The following PPP2R3A variants were observed in gnomAD, a reference collection of about 807,000 sequenced individuals.
The protein encoded by PPP2R3A is serine/threonine-protein phosphatase 2A regulatory subunit B'' subunit alpha.
In PPP2R3A, 80 loss-of-function variants were observed where a neutral mutation model predicts 106.9. The observed-to-expected ratio is 0.75, with a 90% confidence interval of 0.62 to 0.90. The LOEUF (loss-of-function observed/expected upper bound fraction) is 0.90, where lower values mean the gene tolerates loss of function less well. Among genes scored for constraint, PPP2R3A ranks in the 40% least tolerant of loss-of-function variants. The pLI is 0.00. For missense variants in PPP2R3A, 1,386 were observed against 1,350.4 expected (o/e 1.03, Z -0.41); for synonymous variants, 483 against 468.3 (o/e 1.03, Z -0.41).
At position 136,129,218 on chromosome 3, in the gene PPP2R3A, C is replaced by CA. The variant is rs1211077797; in HGVS notation, c.3330-15823dup. On this transcript the variant is annotated intron_variant, in intron 13 of 13. Coordinates refer to ENST00000264977, the MANE Select transcript of PPP2R3A (RefSeq NM_002718.5). ...ACAAAAAAAAAAACCTTCAAAAAAT[C>CA]AATGAATCCAGGAGGTGGTTTTTTG... Among the ~76,000 whole-genome samples the CA allele has an allele frequency of 5.3e-5, 8 of 150,076 alleles. No individual in the cohort carries two copies. The East Asian group carries it at 1.6e-3, about 29-fold the overall frequency.
In PPP2R3A at chr3:136,003,208, C is replaced by T. The variant is rs761351113; in HGVS notation, c.1710C>T (p.Ser570=). Residue 570 remains serine, a synonymous_variant, in exon 2 of 14, where the codon TCC becomes TCT. Coordinates refer to ENST00000264977, the MANE Select transcript of PPP2R3A (RefSeq NM_002718.5). The part of the protein sequence containing the change: ...VSSPIEKVSP[S]CLTRIIETNG... ...CACCCATAGAAAAAGTCTCACCTTC[C>T]TGTCTAACAAGGATTATTGAAACCA... is the stretch of plus-strand genomic sequence containing the variant. The T allele has an allele frequency of 4.3e-6, 7 of 1,613,946 alleles. No homozygotes were observed. The highest frequency in any genetic ancestry group is 5.9e-6 in the Non-Finnish European group (7 of 1,179,912).
chr3:136,076,753 C>T (rs1936610033), intron 6 of PPP2R3A, among the ~76,000 whole-genome samples: 1 of 152,076 alleles, frequency 6.6e-6, no homozygotes, highest in Admixed American at 6.6e-5. Flanking sequence ...TGGAGACCAT[C>T]CTGGCTAACA....
chr3:136,006,136 T>A (rs1933836915), intron 2 of PPP2R3A, among the ~76,000 whole-genome samples: 2 of 152,324 alleles, frequency 1.3e-5, no homozygotes, highest in South Asian at 4.1e-4. Context: ...CCCACTTTTT[T>A]GACAAGTAAT....
At chr3:135,991,662 T>C (rs1170088544) in intron 1 of PPP2R3A, among the ~76,000 whole-genome samples, 1 of 152,192 alleles carries the variant, frequency 6.6e-6, no homozygotes, top group African/African-American at 2.4e-5. Context: ...ATTTTGCTTT[T>C]CTCATGTTCC....
Position 136,041,430 on chromosome 3 carries a change from A to G in PPP2R3A, c.2366+468A>G, listed in dbSNP as rs116589802. Reference sequence around the variant, plus strand: ...GCACCACCACACCTGGCTAATTTTTATAGAGACTGGATCTCACTCTGTTGC... The same window carrying G: ...GCACCACCACACCTGGCTAATTTTTGTAGAGACTGGATCTCACTCTGTTGC... On this transcript the variant is annotated intron_variant, in intron 4 of 13. Coordinates refer to ENST00000264977, the MANE Select transcript of PPP2R3A (RefSeq NM_002718.5). Among the ~76,000 whole-genome samples the G allele has an allele frequency of 7.3e-3, 1,108 of 151,402 alleles. 17 individuals carry two copies. Among genetic ancestry groups the G allele is most frequent in the African/African-American group, 0.025 (1,050 of 41,298 alleles).
chr3:136,016,002 T>A (rs1184744079), intron 2 of PPP2R3A, among the ~76,000 whole-genome samples: 1 of 152,168 alleles, frequency 6.6e-6, no homozygotes, highest in Non-Finnish European at 1.5e-5. Context: ...TCCCCGAGGT[T>A]TTGATAGGTT....
In PPP2R3A at chr3:136,090,561, C is replaced by A. The variant is rs753324812; in HGVS notation, c.2838-17C>A. On this transcript the variant is annotated splice_polypyrimidine_tract_variant and intron_variant, in intron 9 of 13. Transcript: ENST00000264977. Reference sequence around the variant, plus strand: ...AGTAATTGCTCAGGAAATTTTATAACCATGTGTTTTCTTTAGGGGAAAAAC... The same window carrying A: ...AGTAATTGCTCAGGAAATTTTATAAACATGTGTTTTCTTTAGGGGAAAAAC... The A allele has an allele frequency of 6.3e-7, 1 of 1,596,406 alleles. No individual in the cohort carries two copies. The highest frequency in any genetic ancestry group is 1.7e-5 in the Admixed American group (1 of 59,872).
At chr3:136,043,982 G>T (rs1340929000) in intron 4 of PPP2R3A, among the ~76,000 whole-genome samples, 1 of 151,988 alleles carries the variant, frequency 6.6e-6, no homozygotes, top group African/African-American at 2.4e-5. Context: ...ATTTCACTTT[G>T]TCCTCTCAGA....
At chr3:136,032,734 C>T (rs1335895377) in intron 3 of PPP2R3A, among the ~76,000 whole-genome samples, 1 of 152,102 alleles carries the variant, frequency 6.6e-6, no homozygotes, top group Non-Finnish European at 1.5e-5. Flanking sequence ...CGGGGTTTCA[C>T]CATGTTAGCC....
intron 2 of PPP2R3A, among the ~76,000 whole-genome samples, chr3:136,010,834 C>T (rs1306358338): frequency 1.3e-5 from 2 of 152,164 alleles, no homozygotes; most frequent in Non-Finnish European, 2.9e-5. Flanking sequence ...TTCTCCCCTG[C>T]AGTCATCAGT....
Position 136,147,017 on chromosome 3 carries a change from T to G in PPP2R3A, c.*1851T>G, listed in dbSNP as rs2108049225. On this transcript the variant is annotated 3_prime_UTR_variant, in exon 14 of 14. Coordinates refer to ENST00000264977, the MANE Select transcript of PPP2R3A (RefSeq NM_002718.5). ...TTTTAACTATTTGGCTTTACCTTTTTACCTTGGTTCTCCTTACTGAAGTCC... is the reference window on the plus strand; with the variant it reads ...TTTTAACTATTTGGCTTTACCTTTTGACCTTGGTTCTCCTTACTGAAGTCC... 1 of 152,360 alleles carries G rather than the reference T, an allele frequency of 6.6e-6. No individual in the cohort carries two copies. Among genetic ancestry groups the G allele is most frequent in the African/African-American group, 2.4e-5 (1 of 41,596 alleles). The allele number at this position is 152,360 out of a possible 1,614,324, so 9.4% of individuals were successfully genotyped here.
In PPP2R3A at chr3:136,040,950, C is replaced by T. The variant is rs764656248; in HGVS notation, c.2354C>T (p.Ala785Val). 7.4e-6 allele frequency: 12 copies of T among 1,612,802 alleles called. No individual in the cohort carries two copies. In the Admixed American group the frequency reaches 2.0e-4, roughly 27 times the overall value. ...TGFVTAQSFI[A>V]MWRKLLNNHH... The stretch of plus-strand genomic sequence containing the variant: ...TTTGTGACAGCACAGTCATTCATTG[C>T]CATGTGGAGAAAGTAAGTATGTGAG... Residue 785 changes from alanine (A) to valine (V), a missense_variant, in exon 4 of 14, where the codon GCC becomes GTC. Transcript: ENST00000264977.
At chr3:136,080,475 A>G (rs1223887688) in intron 7 of PPP2R3A, among the ~76,000 whole-genome samples, 1 of 152,174 alleles carries the variant, frequency 6.6e-6, no homozygotes, top group Non-Finnish European at 1.5e-5. Flanking sequence ...TTATATACTC[A>G]CCAACAAAAG....
intron 10 of PPP2R3A, among the ~76,000 whole-genome samples, chr3:136,094,006 A>G (rs1176933488): frequency 6.6e-6 from 1 of 152,236 alleles, no homozygotes; most frequent in Non-Finnish European, 1.5e-5. Context: ...AATGTGATCT[A>G]TTCATATAAC....
Position 135,978,716 on chromosome 3 carries a change from G to A in PPP2R3A, c.-441+12867G>A, listed in dbSNP as rs553633742. Among the ~76,000 whole-genome samples, 787 of 151,890 alleles carry A rather than the reference G, an allele frequency of 5.2e-3. 4 individuals are homozygous for A. The highest frequency in any genetic ancestry group is 6.9e-3 in the Non-Finnish European group (470 of 67,990). On this transcript the variant is annotated intron_variant, in intron 1 of 13. Transcript: ENST00000264977. ...CTAAACCCCCAAATTATCAAAATAA[G>A]CAGCTGATCTTTATAAGCTCGAAAA... is the stretch of plus-strand genomic sequence containing the variant.
chr3:136,133,370 A>G (rs567254603), intron 13 of PPP2R3A, among the ~76,000 whole-genome samples: 9 of 152,174 alleles, frequency 5.9e-5, no homozygotes, highest in Non-Finnish European at 1.3e-4. Context: ...CAAACAGTAA[A>G]TAAGTGTATG....
chr3:136,119,366 A>C (rs943094690), intron 13 of PPP2R3A, among the ~76,000 whole-genome samples: 14 of 152,252 alleles, frequency 9.2e-5, no homozygotes, highest in Non-Finnish European at 1.6e-4. Context: ...CAAAATTGAC[A>C]AATGGGATCT....
chr3:136,082,950 A>T (rs1444151917), intron 8 of PPP2R3A, among the ~76,000 whole-genome samples: 1 of 152,260 alleles, frequency 6.6e-6, no homozygotes, highest in East Asian at 1.9e-4. Flanking sequence ...TACATATCAC[A>T]TGATAATACC....
intron 3 of PPP2R3A, among the ~76,000 whole-genome samples, chr3:136,032,908 C>T (rs967351947): frequency 6.6e-6 from 1 of 152,150 alleles, no homozygotes; most frequent in African/African-American, 2.4e-5. Context: ...ACTTCCAGTA[C>T]TATGTTGAAG....
Sources: allele counts gnomAD v4.1 joint callset (sites outside exome capture counted in the v4.1 genomes callset), GRCh38; gene constraint gnomAD v4.1.1; transcripts MANE v1.5; gene names NCBI Gene and HGNC (gene_info 2026-07-23, HGNC 2026-07-21).